Variants in MIEF1 observed in about 807,000 individuals in gnomAD.
MIEF1 encodes mitochondrial dynamics protein MIEF1.
In MIEF1, 14 loss-of-function variants were observed where a neutral mutation model predicts 35.1. The observed-to-expected ratio is 0.40, with a 90% confidence interval of 0.26 to 0.62. MIEF1 has a LOEUF of 0.62. Ranked by LOEUF, MIEF1 falls within the 20% of genes least tolerant of loss-of-function variation. The pLI, the probability that MIEF1 is intolerant of heterozygous loss-of-function variation, is 0.43. For missense variants in MIEF1, 542 were observed against 615.4 expected (o/e 0.88, Z 1.26); for synonymous variants, 245 against 254.3 (o/e 0.96, Z 0.35).
chr22:39,511,629 TACAA>T (rs1930344939), intron 3 of MIEF1, among the ~76,000 whole-genome samples, 191 bp downstream of exon 3: 1 of 152,260 alleles, frequency 6.6e-6, no homozygotes, highest in Admixed American at 6.5e-5. Flanking sequence ...TACCAGATAT[TACAA>T]ACAGTTTTCT....
chr22:39,512,197 C>A (rs774610558), intron 4 of MIEF1, 35 bp from the exon 5 acceptor site: 1 of 1,599,250 alleles, frequency 6.3e-7, no homozygotes, highest in East Asian at 2.2e-5. Flanking sequence ...CAGGCATGGG[C>A]AGAGCTCACG....
chr22:39,505,690 T>C (rs1929980881), intron 2 of MIEF1, among the ~76,000 whole-genome samples: 1 of 151,570 alleles, frequency 6.6e-6, no homozygotes, highest in African/African-American at 2.4e-5. Context: ...ATTTGTATCG[T>C]AGAGGGAGCA....
At position 39,514,437 on chromosome 22, in the gene MIEF1, T is replaced by G; in HGVS notation, c.*114T>G. ...TTCCTGCTGCCTGGTGTCTTGCTGA[T>G]CATCACCCTGGTCACTTCATGCTGA... On this transcript the variant is annotated 3_prime_UTR_variant, in exon 6 of 6. Coordinates refer to ENST00000325301, the MANE Select transcript of MIEF1 (RefSeq NM_019008.6). 1 of 988,588 alleles carries G rather than the reference T, an allele frequency of 1.0e-6. No individual in the cohort carries two copies. The highest frequency in any genetic ancestry group is 1.5e-5 in the South Asian group (1 of 67,466). 61.2% of individuals were successfully genotyped at this position (988,588 alleles called of 1,614,324 possible).
Position 39,515,156 on chromosome 22 carries a change from A to T in MIEF1, c.*833A>T, listed in dbSNP as rs919740508. 1.5e-6 allele frequency: 1 copy of T among 656,388 alleles called. No individual in the cohort carries two copies. Among genetic ancestry groups the T allele is most frequent in the Admixed American group, 2.3e-5 (1 of 43,608 alleles). 40.7% of individuals were successfully genotyped at this position (656,388 alleles called of 1,614,324 possible). ...GGCTGCAGGGGTCAGACAGACAAGGATGGGGACTGCCAGGGCACCACTTCA... is the reference window on the plus strand; with the variant it reads ...GGCTGCAGGGGTCAGACAGACAAGGTTGGGGACTGCCAGGGCACCACTTCA... On this transcript the variant is annotated 3_prime_UTR_variant, in exon 6 of 6. Coordinates refer to ENST00000325301, the MANE Select transcript of MIEF1 (RefSeq NM_019008.6).
upstream of MIEF1, chr22:39,500,577 G>A (rs1055356378): frequency 2.6e-5 from 4 of 151,698 alleles, no homozygotes; most frequent in Admixed American, 6.6e-5. Context: ...GCCTGAAAGA[G>A]TGGAAAGAAC....
chr22:39,517,359 A>C lies in MIEF1; in HGVS notation c.*3036A>C, dbSNP rs1478325249. 1 of 261,312 alleles carries C rather than the reference A, an allele frequency of 3.8e-6. No individual in the cohort carries two copies. Among genetic ancestry groups the C allele is most frequent in the Admixed American group, 5.0e-5 (1 of 20,180 alleles). The allele number at this position is 261,312 out of a possible 1,614,324, so 16.2% of individuals were successfully genotyped here. A position where few individuals can be genotyped will look rare whatever the true frequency, so the allele number is the denominator to read the frequency against. The stretch of plus-strand genomic sequence containing the variant: ...TTACATGCTTGGTTATGACTTTTAA[A>C]GTTTTATTTAAATAAATGTTGAAGC... On this transcript the variant is annotated 3_prime_UTR_variant, in exon 6 of 6. Coordinates refer to ENST00000325301, the MANE Select transcript of MIEF1 (RefSeq NM_019008.6).
chr22:39,511,256 T>C, intron 2 of MIEF1, 32 bp from the exon 3 acceptor site: 1 of 1,612,604 alleles, frequency 6.2e-7, no homozygotes, highest in Non-Finnish European at 8.5e-7. Context: ...GGGGTCCCAG[T>C]ACTTATGGCC....
At position 39,513,842 on chromosome 22, in the gene MIEF1, G is replaced by C. The variant is rs141041315; in HGVS notation, c.911G>C (p.Arg304Pro). 6 of 1,613,942 alleles carry C rather than the reference G, an allele frequency of 3.7e-6. No homozygotes were observed. The highest frequency in any genetic ancestry group is 4.2e-6 in the Non-Finnish European group (5 of 1,180,030). Residue 304 changes from arginine to proline, a missense_variant, in exon 6 of 6, where the codon CGT (arginine) becomes CCT (proline). Physicochemically the swap from Arg to Pro is moderately radical, Grantham distance 103. Coordinates refer to ENST00000325301, the MANE Select transcript of MIEF1 (RefSeq NM_019008.6). ...CTCACACTGGAGGTGCAGTATGAGC[G>C]TGACAAACATCTCTTCATTGACTTC... ...EALTLEVQYE[R>P]DKHLFIDFLP... is the part of the protein sequence containing the mutation.
In MIEF1 at chr22:39,513,687, A is replaced by G; in HGVS notation, c.756A>G (p.Val252=). ...GGAGCAGTTACTGGGACCGCTGTGT[A>G]GTAGGGGGCTACCTCTCTCCAAAGA... ...PRGSSYWDRC[V]VGGYLSPKTV... The change falls in exon 6 of 6, where the codon GTA becomes GTG. Residue 252 remains valine (V), a synonymous_variant. Transcript: ENST00000325301. 1.2e-6 allele frequency: 2 copies of G among 1,614,138 alleles called. No homozygotes were observed. The highest frequency in any genetic ancestry group is 8.5e-7 in the Non-Finnish European group (1 of 1,180,016).
intron 5 of MIEF1, 72 bp downstream of exon 5, chr22:39,512,566 G>C: frequency 6.6e-7 from 1 of 1,520,346 alleles, no homozygotes; most frequent in Non-Finnish European, 8.8e-7. Context: ...ACAGATCAGT[G>C]TCCCAGGCTT....
Position 39,515,765 on chromosome 22 carries a change from C to T in MIEF1, c.*1442C>T, listed in dbSNP as rs146093145. 2 of 178,674 alleles carry T rather than the reference C, an allele frequency of 1.1e-5. No individual in the cohort carries two copies. The highest frequency in any genetic ancestry group is 1.5e-4 in the South Asian group (1 of 6,788). 11.1% of individuals were successfully genotyped at this position (178,674 alleles called of 1,614,324 possible). ...AGACTCTGATGATAATTCTGTTTCTCATCTGCCCATTCAGTATTTTGTTTT... is the reference window on the plus strand; with the variant it reads ...AGACTCTGATGATAATTCTGTTTCTTATCTGCCCATTCAGTATTTTGTTTT... On this transcript the variant is annotated 3_prime_UTR_variant, in exon 6 of 6. Transcript: ENST00000325301.
rs200056180 is a variant in MIEF1, at chr22:39,514,223, A to G, written c.1292A>G (p.Lys431Arg). The change falls in exon 6 of 6, where the codon AAG becomes AGG. Residue 431 changes from lysine to arginine, a missense_variant. Coordinates refer to ENST00000325301, the MANE Select transcript of MIEF1 (RefSeq NM_019008.6). Reference sequence around the variant, plus strand: ...GTCCTGCCCAGTGCCCTAAACCCCAAGGTGAACTTATTTGCAGAGCTCACC... The same window carrying G: ...GTCCTGCCCAGTGCCCTAAACCCCAGGGTGAACTTATTTGCAGAGCTCACC... ...AGVLPSALNP[K>R]VNLFAELTPE... is the part of the protein sequence containing the mutation. The G allele has an allele frequency of 6.2e-7, 1 of 1,614,250 alleles. No homozygotes were observed. The highest frequency in any genetic ancestry group is 2.2e-5 in the East Asian group (1 of 44,882).
At position 39,517,047 on chromosome 22, in the gene MIEF1, A is replaced by G. The variant is rs1271322474; in HGVS notation, c.*2724A>G. The stretch of plus-strand genomic sequence containing the variant: ...AGATTCTTGGATAGAAGAGGACAAC[A>G]TTCTGCACCTGCCCCCTTTTTTAAA... On this transcript the variant is annotated 3_prime_UTR_variant, in exon 6 of 6. Transcript: ENST00000325301. 6.5e-6 allele frequency: 1 copy of G among 153,450 alleles called. No homozygotes were observed. The highest frequency in any genetic ancestry group is 1.5e-5 in the Non-Finnish European group (1 of 68,916). 9.5% of individuals were successfully genotyped at this position (153,450 alleles called of 1,614,324 possible). A position where few individuals can be genotyped will look rare whatever the true frequency, so the allele number is the denominator to read the frequency against.
In MIEF1 at chr22:39,513,581, G is replaced by A. The variant is rs776401340; in HGVS notation, c.650G>A (p.Cys217Tyr). ...GTGCTGGAGCAGAACCTGTGGTCAT[G>A]TATTCCTGGTGAAGACACCATCATG... Reference protein sequence around the residue: ...PLVLEQNLWSCIPGEDTIMNV... With the variant: ...PLVLEQNLWSYIPGEDTIMNV... The change falls in exon 6 of 6, where the codon TGT (cysteine) becomes TAT (tyrosine). Residue 217 changes from cysteine (C) to tyrosine (Y), a missense_variant. Transcript: ENST00000325301. 2 of 1,614,238 alleles carry A rather than the reference G, an allele frequency of 1.2e-6. No individual in the cohort carries two copies. Among genetic ancestry groups the A allele is most frequent in the East Asian group, 2.2e-5 (1 of 44,890 alleles).
rs117324187 is a variant in MIEF1, at chr22:39,517,648, C to T, written c.*3325C>T. On this transcript the variant is annotated 3_prime_UTR_variant, in exon 6 of 6. Coordinates refer to ENST00000325301, the MANE Select transcript of MIEF1 (RefSeq NM_019008.6). ...TGACTTGGCTGAGAACGTGTTCTGT[C>T]AGAGGATTTGTTAGAACTCTGCCCT... 217 of 470,760 alleles carry T rather than the reference C, an allele frequency of 4.6e-4. 3 individuals are homozygous for T. In the East Asian group the frequency reaches 0.012, roughly 26 times the overall value. The allele number at this position is 470,760 out of a possible 1,614,324, so 29.2% of individuals were successfully genotyped here.
At chr22:39,504,918 G>A (rs536531611) in intron 2 of MIEF1, among the ~76,000 whole-genome samples, 9 of 152,290 alleles carry the variant, frequency 5.9e-5, no homozygotes, top group South Asian at 2.1e-4. Flanking sequence ...GGGTTGGCCC[G>A]GTGCGGTGGC....
Position 39,515,514 on chromosome 22 carries a change from T to C in MIEF1, c.*1191T>C. On this transcript the variant is annotated 3_prime_UTR_variant, in exon 6 of 6. Coordinates refer to ENST00000325301, the MANE Select transcript of MIEF1 (RefSeq NM_019008.6). Reference sequence around the variant, plus strand: ...TGAGCATGCACGGACCTCTTCCCCCTGTCCTGTTTCTCACCCAGCACCTGG... The same window carrying C: ...TGAGCATGCACGGACCTCTTCCCCCCGTCCTGTTTCTCACCCAGCACCTGG... 3.3e-6 allele frequency: 2 copies of C among 606,068 alleles called. No individual in the cohort carries two copies. Among genetic ancestry groups the C allele is most frequent in the Non-Finnish European group, 5.9e-6 (2 of 337,420 alleles). 37.5% of individuals were successfully genotyped at this position (606,068 alleles called of 1,614,324 possible).
intron 3 of MIEF1, 48 bp downstream of exon 3, chr22:39,511,486 A>G (rs765497358): frequency 5.4e-5 from 80 of 1,489,662 alleles, no homozygotes; most frequent in Admixed American, 1.1e-4. Context: ...TGGTATGGTC[A>G]TAAGATGTAA....
Position 39,513,741 on chromosome 22 carries a change from G to A in MIEF1, c.810G>A (p.Val270=). 1 of 1,613,700 alleles carries A rather than the reference G, an allele frequency of 6.2e-7. No homozygotes were observed. The highest frequency in any genetic ancestry group is 1.3e-5 in the African/African-American group (1 of 75,042). ...KTVADTFEKV[V]AGSINWPAIG... Reference sequence around the variant, plus strand: ...TCGCAGATACATTTGAGAAGGTAGTGGCTGGCTCCATCAATTGGCCAGCCA... The same window carrying A: ...TCGCAGATACATTTGAGAAGGTAGTAGCTGGCTCCATCAATTGGCCAGCCA... The change falls in exon 6 of 6, where the codon GTG becomes GTA. Residue 270 remains valine (V), a synonymous_variant. Transcript: ENST00000325301.
Sources: gnomAD v4.1 joint callset for allele counts (sites outside exome capture counted in the v4.1 genomes callset) on GRCh38, gnomAD v4.1.1 for gene constraint, MANE v1.5 for transcripts, NCBI Gene and HGNC (gene_info 2026-07-23, HGNC 2026-07-21) for gene names.